The following FAM3C variants were observed in gnomAD, a reference collection of about 807,000 sequenced individuals.
The protein encoded by FAM3C is FAM3 metabolism regulating signaling molecule C.
FAM3C carries 15 observed loss-of-function variants against 32.5 expected under a neutral mutation model. The observed-to-expected ratio is 0.46, with a 90% CI of 0.31 to 0.71. The LOEUF is 0.71. Ranked by LOEUF, FAM3C falls within the 30% of genes least tolerant of loss-of-function variation. The probability of loss-of-function intolerance (pLI) is 0.05; values close to 1 mark genes in which losing one functional copy is unlikely to be tolerated. For missense variants in FAM3C, 175 were observed against 274.4 expected (o/e 0.64, Z 2.56); for synonymous variants, 75 against 86.1 (o/e 0.87, Z 0.72).
chr7:121,386,504 T>A (rs943488846), intron 1 of FAM3C, among the ~76,000 whole-genome samples: 4 of 152,002 alleles, frequency 2.6e-5, no homozygotes, highest in Admixed American at 2.0e-4. Flanking sequence ...ACTTGTCAGA[T>A]CTTGGACTTC....
chr7:121,378,810 CAT>C, intron 3 of FAM3C, 98 bp downstream of exon 3: 1 of 529,172 alleles, frequency 1.9e-6, no homozygotes, highest in East Asian at 3.5e-5. Context: ...ATAATAATCA[CAT>C]TTCGTTTTCT....
intron 2 of FAM3C, among the ~76,000 whole-genome samples, chr7:121,381,539 T>C (rs1794356581): frequency 6.6e-6 from 1 of 152,066 alleles, no homozygotes; most frequent in Non-Finnish European, 1.5e-5. Context: ...AATTTAAAAT[T>C]ATGTGAGAAA....
At chr7:121,375,775 A>C (rs2116929228) in intron 3 of FAM3C, among the ~76,000 whole-genome samples, 1 of 152,260 alleles carries the variant, frequency 6.6e-6, no homozygotes, top group East Asian at 1.9e-4. Flanking sequence ...TTCCCATGTA[A>C]CTTCTATTTG....
intron 8 of FAM3C, among the ~76,000 whole-genome samples, chr7:121,358,235 A>G (rs1170339466): frequency 6.6e-6 from 1 of 152,100 alleles, no homozygotes; most frequent in Admixed American, 6.5e-5. Flanking sequence ...TTTTCATGTA[A>G]ATCTGTGATA....
At chr7:121,372,982 G>A (rs1794177417) in intron 3 of FAM3C, among the ~76,000 whole-genome samples, 1 of 152,052 alleles carries the variant, frequency 6.6e-6, no homozygotes, top group Non-Finnish European at 1.5e-5. Flanking sequence ...AGAGGAAAAT[G>A]ACCAAGTAAA....
chr7:121,384,131 A>G (rs978368642), intron 1 of FAM3C, among the ~76,000 whole-genome samples: 12 of 152,140 alleles, frequency 7.9e-5, no homozygotes. Context: ...CAAAAGTCCA[A>G]TGCTCTTAGG....
intron 1 of FAM3C, among the ~76,000 whole-genome samples, chr7:121,390,848 T>TGGGGTGGGG (rs1040925027): frequency 6.6e-4 from 1 of 1,504 alleles, no homozygotes; most frequent in African/African-American, 1.9e-3. Flanking sequence ...AAAGGCTGTG[T>TGGGGTGGGG]GGGGCGGGGG....
chr7:121,383,786 ATAAG>A (rs1423380270), intron 1 of FAM3C, among the ~76,000 whole-genome samples: 5 of 152,334 alleles, frequency 3.3e-5, no homozygotes. Flanking sequence ...AAATGAAAAA[ATAAG>A]TAAGTTTAAT....
chr7:121,351,336 G>A (rs1793702369), intron 8 of FAM3C, 67 bp from the exon 9 acceptor site: 4 of 1,370,848 alleles, frequency 2.9e-6, no homozygotes, highest in Non-Finnish European at 2.9e-6. Context: ...TGGTTCACTG[G>A]GATATTAACA....
chr7:121,383,027 A>C lies in FAM3C; in HGVS notation c.-41-17T>G, dbSNP rs1049810978. 2.9e-6 allele frequency: 4 copies of C among 1,383,476 alleles called. No individual in the cohort carries two copies. Among genetic ancestry groups the C allele is most frequent in the African/African-American group, 1.4e-5 (1 of 69,824 alleles). The allele number at this position is 1,383,476 out of a possible 1,614,324, so 85.7% of individuals were successfully genotyped here. A position where few individuals can be genotyped will look rare whatever the true frequency, so the allele number is the denominator to read the frequency against. On this transcript the variant is annotated splice_polypyrimidine_tract_variant and intron_variant, in intron 1 of 9. Coordinates refer to ENST00000359943, the MANE Select transcript of FAM3C (RefSeq NM_014888.3). ...AATATGCTCCTAAAAAATCAAAACA[A>C]AAAGCAAATATCATTAGCTCTAGAG... is the stretch of plus-strand genomic sequence containing the variant.
chr7:121,365,607 AG>A (rs1794008566), intron 5 of FAM3C, among the ~76,000 whole-genome samples: 1 of 152,104 alleles, frequency 6.6e-6, no homozygotes, highest in South Asian at 2.1e-4. Context: ...ACTCATAGGA[AG>A]GCAGGAAAAT....
At chr7:121,369,214 C>G (rs1230944636) in intron 5 of FAM3C, among the ~76,000 whole-genome samples, 1 of 152,084 alleles carries the variant, frequency 6.6e-6, no homozygotes, top group African/African-American at 2.4e-5. Context: ...CTCCTGACCT[C>G]AGGTGATCCA....
intron 5 of FAM3C, among the ~76,000 whole-genome samples, chr7:121,366,291 T>A (rs1794022895): frequency 6.6e-6 from 1 of 152,176 alleles, no homozygotes; most frequent in African/African-American, 2.4e-5. Flanking sequence ...ACAACTCAAA[T>A]GTCTACCAAC....
At chr7:121,384,607 T>C (rs1162642050) in intron 1 of FAM3C, among the ~76,000 whole-genome samples, 1 of 152,208 alleles carries the variant, frequency 6.6e-6, no homozygotes. Flanking sequence ...CACCTTGCAG[T>C]GGATGCTGCA....
At position 121,388,002 on chromosome 7, in the gene FAM3C, T is replaced by C. The variant is rs908262978; in HGVS notation, c.-41-4992A>G. On this transcript the variant is annotated intron_variant, in intron 1 of 9. Coordinates refer to ENST00000359943, the MANE Select transcript of FAM3C (RefSeq NM_014888.3). ...TGGCTACATTTTTGAAATAACAAAATGGAAAGGAATAAGATGACTGCATTC... is the reference window on the plus strand; with the variant it reads ...TGGCTACATTTTTGAAATAACAAAACGGAAAGGAATAAGATGACTGCATTC... Among the ~76,000 whole-genome samples the C allele has an allele frequency of 3.8e-4, 57 of 151,890 alleles. 1 individual carries two copies. The highest frequency in any genetic ancestry group is 4.6e-4 in the Admixed American group (7 of 15,234).
At chr7:121,393,946 A>T (rs577025117) in intron 1 of FAM3C, among the ~76,000 whole-genome samples, 40 of 152,252 alleles carry the variant, frequency 2.6e-4, no homozygotes, top group Non-Finnish European at 5.3e-4. Flanking sequence ...TATTATACCA[A>T]GGTCGCACAA....
chr7:121,369,305 A>AT lies in FAM3C; in HGVS notation c.272+1994dup, dbSNP rs1158225623. On this transcript the variant is annotated intron_variant, in intron 5 of 9. Coordinates refer to ENST00000359943, the MANE Select transcript of FAM3C (RefSeq NM_014888.3). ...CTGGTGTCACAATTTATAAGTACGT[A>AT]TTTTTTTTAAGCATCTGTCACCCCT... 3.3e-5 allele frequency among the ~76,000 whole-genome samples: 5 copies of AT among 151,878 alleles called. No individual in the cohort carries two copies. The East Asian group carries it at 5.8e-4, about 18-fold the overall frequency.
At chr7:121,367,822 T>G (rs1339373296) in intron 5 of FAM3C, among the ~76,000 whole-genome samples, 1 of 151,904 alleles carries the variant, frequency 6.6e-6, no homozygotes, top group African/African-American at 2.4e-5. Flanking sequence ...AAAAATTAGC[T>G]GCATGTGGTG....
intron 8 of FAM3C, among the ~76,000 whole-genome samples, chr7:121,358,993 A>C (rs923906013): frequency 6.6e-6 from 1 of 151,978 alleles, no homozygotes; most frequent in Non-Finnish European, 1.5e-5. Flanking sequence ...AGAAAAAAAA[A>C]CCACTTGTGA....
Sources: allele counts gnomAD v4.1 joint callset (sites outside exome capture counted in the v4.1 genomes callset), GRCh38; gene constraint gnomAD v4.1.1; transcripts MANE v1.5; gene names NCBI Gene and HGNC (gene_info 2026-07-23, HGNC 2026-07-21).